The following TACR3 variants were observed in gnomAD, a reference collection of about 807,000 sequenced individuals.
TACR3 encodes the protein neuromedin-K receptor.
In TACR3, 34 loss-of-function variants were observed where a neutral mutation model predicts 35.0. That is an observed-to-expected ratio of 0.97 (90% CI 0.74 to 1.30). The LOEUF is 1.30. TACR3 is among the 50% of genes most tolerant of loss of function. The pLI is 0.00. For missense variants in TACR3, 558 were observed against 591.7 expected (o/e 0.94, Z 0.59); for synonymous variants, 233 against 221.1 (o/e 1.05, Z -0.48).
chr4:103,673,703 G>A (rs1420352443), intron 1 of TACR3, among the ~76,000 whole-genome samples: 1 of 152,126 alleles, frequency 6.6e-6, no homozygotes, highest in Non-Finnish European at 1.5e-5. Context: ...AGTTTTGCTC[G>A]ATGCAGGATT....
chr4:103,663,733 T>C (rs1725880894), intron 1 of TACR3, among the ~76,000 whole-genome samples: 2 of 152,168 alleles, frequency 1.3e-5, no homozygotes, highest in South Asian at 2.1e-4. Context: ...TTATTTGAAA[T>C]TGTTGATTTG....
intron 3 of TACR3, among the ~76,000 whole-genome samples, chr4:103,629,872 C>CAAACAAA (rs1553969638): frequency 6.7e-5 from 7 of 104,118 alleles, no homozygotes; most frequent in African/African-American, 2.3e-4. Flanking sequence ...AAAAAAAAAA[C>CAAACAAA]AAAAAAAACA....
rs1723888201 is a variant in TACR3 at position 103,591,325 on chromosome 4, A to T, written c.1085+162T>A. 7.9e-6 allele frequency: 6 copies of T among 755,064 alleles called. No individual in the cohort carries two copies. The South Asian group carries it at 9.6e-5, about 12-fold the overall frequency. 46.8% of individuals were successfully genotyped at this position (755,064 alleles called of 1,614,324 possible). ...ATGTGGGATGCTTTATAAAGTGTGT[A>T]TGGGGGTCTTGAAAGATAAAGCCTG... is the stretch of plus-strand genomic sequence containing the variant. On this transcript the variant is annotated intron_variant, in intron 4 of 4. Coordinates refer to ENST00000304883, the MANE Select transcript of TACR3 (RefSeq NM_001059.3).
intron 1 of TACR3, among the ~76,000 whole-genome samples, chr4:103,696,877 C>A (rs1477926416): frequency 6.6e-6 from 1 of 152,138 alleles, no homozygotes; most frequent in African/African-American, 2.4e-5. Flanking sequence ...CTTCACTCTA[C>A]TTTCATCTTT....
At chr4:103,645,679 T>C (rs991978938) in intron 3 of TACR3, among the ~76,000 whole-genome samples, 1 of 151,954 alleles carries the variant, frequency 6.6e-6, no homozygotes, top group African/African-American at 2.4e-5. Context: ...TGCACCCAAG[T>C]TGAGATTCTT....
At chr4:103,702,343 A>C (rs1395032035) in intron 1 of TACR3, among the ~76,000 whole-genome samples, 2 of 152,192 alleles carry the variant, frequency 1.3e-5, no homozygotes, top group Admixed American at 6.5e-5. Flanking sequence ...AATCAAAACC[A>C]CAATGAGATA....
At chr4:103,680,049 G>A (rs906023787) in intron 1 of TACR3, among the ~76,000 whole-genome samples, 1 of 151,792 alleles carries the variant, frequency 6.6e-6, no homozygotes, top group African/African-American at 2.4e-5. Context: ...GAAAGCACTT[G>A]TTATGCCTCA....
intron 3 of TACR3, among the ~76,000 whole-genome samples, chr4:103,636,444 T>G (rs1725192150): frequency 6.6e-6 from 1 of 152,026 alleles, no homozygotes; most frequent in Admixed American, 6.6e-5. Context: ...AAATATTTTC[T>G]TCTCAGAAAT....
intron 1 of TACR3, among the ~76,000 whole-genome samples, chr4:103,689,713 TA>T (rs1722357018): frequency 6.6e-6 from 1 of 151,998 alleles, no homozygotes; most frequent in African/African-American, 2.4e-5. Flanking sequence ...CTCTATTAAA[TA>T]TACAAGCATA....
chr4:103,632,781 A>G (rs1465514284), intron 3 of TACR3, among the ~76,000 whole-genome samples: 2 of 152,152 alleles, frequency 1.3e-5, no homozygotes, highest in Admixed American at 1.3e-4. Context: ...TATTTCCAGA[A>G]AAGTGAATCT....
At position 103,707,301 on chromosome 4, in the gene TACR3, G is replaced by C. The variant is rs567758710; in HGVS notation, c.548+11827C>G. On this transcript the variant is annotated intron_variant, in intron 1 of 4. Coordinates refer to ENST00000304883, the MANE Select transcript of TACR3 (RefSeq NM_001059.3). ...TTGTATAATTATCAAGAGACTCAGAGACATATTTGAAGTTTAACTTTTATA... is the reference window on the plus strand; with the variant it reads ...TTGTATAATTATCAAGAGACTCAGACACATATTTGAAGTTTAACTTTTATA... 1.2e-3 allele frequency among the ~76,000 whole-genome samples: 179 copies of C among 149,696 alleles called. 1 individual carries two copies. The highest frequency in any genetic ancestry group is 4.2e-3 in the African/African-American group (171 of 40,746).
intron 1 of TACR3, among the ~76,000 whole-genome samples, chr4:103,668,923 T>G (rs1725995086): frequency 6.6e-6 from 1 of 152,002 alleles, no homozygotes; most frequent in South Asian, 2.1e-4. Flanking sequence ...TGTGTAATGA[T>G]CTGATCAAAA....
intron 1 of TACR3, among the ~76,000 whole-genome samples, chr4:103,713,275 C>T (rs980509140): frequency 2.6e-4 from 39 of 152,128 alleles, no homozygotes; most frequent in African/African-American, 9.2e-4. Context: ...CACATATACA[C>T]TATGGAATAC....
At chr4:103,710,341 G>A (rs1722913867) in intron 1 of TACR3, among the ~76,000 whole-genome samples, 2 of 152,104 alleles carry the variant, frequency 1.3e-5, no homozygotes, top group Non-Finnish European at 2.9e-5. Flanking sequence ...ATAGAACTCA[G>A]GATTAAGAAA....
chr4:103,698,577 A>T (rs968408030), intron 1 of TACR3, among the ~76,000 whole-genome samples: 3 of 152,026 alleles, frequency 2.0e-5, no homozygotes, highest in African/African-American at 7.2e-5. Context: ...AAGAACATTA[A>T]AAACACTTCT....
chr4:103,653,033 A>T (rs1725656275), intron 3 of TACR3, among the ~76,000 whole-genome samples: 1 of 152,134 alleles, frequency 6.6e-6, no homozygotes, highest in Admixed American at 6.6e-5. Flanking sequence ...CCTAGATATC[A>T]ATGCTCATAC....
chr4:103,618,579 T>C (rs1724708873), intron 3 of TACR3, among the ~76,000 whole-genome samples: 1 of 146,968 alleles, frequency 6.8e-6, no homozygotes, highest in East Asian at 2.0e-4. Context: ...TTTTTTTTTT[T>C]TTTTTTTTTT....
chr4:103,595,018 G>T (rs1217193311), intron 3 of TACR3, among the ~76,000 whole-genome samples: 1 of 152,106 alleles, frequency 6.6e-6, no homozygotes, highest in Non-Finnish European at 1.5e-5. Context: ...GTAGGCTCTT[G>T]GGTGGGAGAA....
At chr4:103,644,399 A>T (rs1725418106) in intron 3 of TACR3, among the ~76,000 whole-genome samples, 1 of 151,876 alleles carries the variant, frequency 6.6e-6, no homozygotes, top group South Asian at 2.1e-4. Context: ...TCTTTTAAGC[A>T]AAAGCTTTTA....
Sources: allele counts gnomAD v4.1 joint callset (sites outside exome capture counted in the v4.1 genomes callset), GRCh38; gene constraint gnomAD v4.1.1; transcripts MANE v1.5; gene names NCBI Gene and HGNC (gene_info 2026-07-23, HGNC 2026-07-21).